Variants in RILPL1 observed in about 807,000 individuals in gnomAD.
RILPL1 encodes the protein Rab interacting lysosomal protein like 1.
A neutral mutation model predicts 50.3 loss-of-function variants in RILPL1; 33 were observed. The ratio of observed to expected loss-of-function variants is 0.66; its 90% CI spans 0.50 to 0.88. The LOEUF is 0.88. RILPL1 is among the 40% of genes least tolerant of loss of function. The pLI is 0.00. For missense variants in RILPL1, 418 were observed against 542.5 expected, an observed-to-expected ratio of 0.77 and a Z score of 2.28; for synonymous variants, 205 against 228.6, an observed-to-expected ratio of 0.90 and a Z score of 0.93.
At chr12:123,508,697 G>A (rs1883908348) in intron 2 of RILPL1, among the ~76,000 whole-genome samples, 1 of 151,986 alleles carries the variant, frequency 6.6e-6, no homozygotes, top group South Asian at 2.1e-4. Flanking sequence ...TTCACTCTAA[G>A]TTATACCTCA....
intron 2 of RILPL1, among the ~76,000 whole-genome samples, chr12:123,517,547 G>A (rs139565737): frequency 1.9e-3 from 289 of 150,452 alleles, no homozygotes; most frequent in South Asian, 0.012. Context: ...TCAGCCTCCC[G>A]AGTAGCTGGG....
intron 2 of RILPL1, 34 bp from the exon 3 acceptor site, chr12:123,499,570 G>A (rs200924400): frequency 9.3e-5 from 137 of 1,474,088 alleles, no homozygotes; most frequent in African/African-American, 5.5e-4. Flanking sequence ...AGGTGAGCCC[G>A]CCTTACTCCT....
intron 2 of RILPL1, among the ~76,000 whole-genome samples, chr12:123,520,913 A>G (rs1884979624): frequency 6.6e-6 from 1 of 152,218 alleles, no homozygotes; most frequent in Admixed American, 6.5e-5. Context: ...TCTCCCCACC[A>G]GCCTTAACCA....
At chr12:123,487,989 A>G (rs1882453024) in intron 4 of RILPL1, among the ~76,000 whole-genome samples, 1 of 152,148 alleles carries the variant, frequency 6.6e-6, no homozygotes, top group Non-Finnish European at 1.5e-5. Flanking sequence ...GTCAATCTAC[A>G]GGTAGCCCAC....
intron 6 of RILPL1, among the ~76,000 whole-genome samples, chr12:123,482,465 G>C (rs1055137606): frequency 6.6e-6 from 1 of 152,026 alleles, no homozygotes. Context: ...TGTAGAGACA[G>C]AGTCTCACTA....
intron 2 of RILPL1, among the ~76,000 whole-genome samples, chr12:123,509,963 G>C: frequency 6.6e-6 from 1 of 152,228 alleles, no homozygotes; most frequent in East Asian, 1.9e-4. Flanking sequence ...CCCTGGAGCC[G>C]AGGCCTGGCA....
chr12:123,472,564 C>G lies in RILPL1; in HGVS notation c.1186G>C (p.Gly396Arg), dbSNP rs1247143422. Residue 396 changes from glycine (G) to arginine (R), a missense_variant, in exon 7 of 7, where the codon GGA becomes CGA. Gly to Arg is a moderately radical substitution (Grantham distance 125). Transcript: ENST00000376874. ...CACAGATGCTGCAGGGCTTCCTGTC[C>G]TTGCTCTGTGTAACCGTCATCGCGG... The part of the protein sequence containing the change: ...THRDDGYTEQ[G>R]QEALQHL 1 of 1,553,036 alleles carries G rather than the reference C, an allele frequency of 6.4e-7. No homozygotes were observed. The highest frequency in any genetic ancestry group is 2.0e-5 in the Admixed American group (1 of 51,070).
At chr12:123,475,575 G>A (rs1487759149) in intron 6 of RILPL1, 5 of 830,104 alleles carry the variant, frequency 6.0e-6, no homozygotes, top group Non-Finnish European at 4.0e-6. Flanking sequence ...TAAGTGGCCA[G>A]GGGGAGACAG....
intron 4 of RILPL1, among the ~76,000 whole-genome samples, chr12:123,494,694 A>G (rs1220317680): frequency 2.6e-5 from 4 of 152,168 alleles, no homozygotes; most frequent in African/African-American, 9.6e-5. Flanking sequence ...TGTCTTTGGC[A>G]CCAGCTTCCT....
chr12:123,527,167 T>C (rs1337450201), intron 1 of RILPL1, among the ~76,000 whole-genome samples: 4 of 151,500 alleles, frequency 2.6e-5, no homozygotes, highest in African/African-American at 4.9e-5. Flanking sequence ...TCTGTCTCTA[T>C]AAAAAATACA....
chr12:123,497,216 T>C (rs1434000982), intron 4 of RILPL1, among the ~76,000 whole-genome samples: 1 of 152,180 alleles, frequency 6.6e-6, no homozygotes, highest in East Asian at 1.9e-4. Context: ...TTTCCACCTT[T>C]TGGCGACTGT....
intron 2 of RILPL1, among the ~76,000 whole-genome samples, chr12:123,521,556 T>A (rs1418089291): frequency 3.6e-5 from 2 of 56,248 alleles, no homozygotes; most frequent in South Asian, 1.0e-3. Context: ...TATGTGTGTA[T>A]ATATATTAAT....
intron 4 of RILPL1, among the ~76,000 whole-genome samples, chr12:123,492,510 T>C (rs930281532): frequency 2.0e-5 from 3 of 152,058 alleles, no homozygotes; most frequent in South Asian, 2.1e-4. Context: ...GAGGACACAA[T>C]AGCTGAAGTG....
intron 4 of RILPL1, among the ~76,000 whole-genome samples, chr12:123,490,922 G>A (rs1032017091): frequency 6.6e-6 from 1 of 151,786 alleles, no homozygotes; most frequent in Non-Finnish European, 1.5e-5. Flanking sequence ...GGCTAATTTT[G>A]TATTTTTAGT....
intron 2 of RILPL1, 58 bp downstream of exon 2, chr12:123,523,437 G>A: frequency 6.2e-7 from 1 of 1,604,510 alleles, no homozygotes; most frequent in Non-Finnish European, 8.5e-7. Flanking sequence ...AATCGCTGAT[G>A]TGGGCAATAA....
intron 1 of RILPL1, among the ~76,000 whole-genome samples, chr12:123,530,354 T>C (rs1233287186): frequency 1.3e-5 from 2 of 152,140 alleles, no homozygotes; most frequent in Non-Finnish European, 2.9e-5. Context: ...TTAGTAGAAA[T>C]GGGGTTTTGC....
At chr12:123,473,398 C>G (rs1881343222) in intron 6 of RILPL1, 1 of 152,054 alleles carries the variant, frequency 6.6e-6, no homozygotes. Context: ...GCCTGTAATC[C>G]CAGCTACTTA....
chr12:123,516,442 C>T lies in RILPL1; in HGVS notation c.460+7053G>A, dbSNP rs181626789. Among the ~76,000 whole-genome samples, 654 of 152,372 alleles carry T rather than the reference C, an allele frequency of 4.3e-3. 4 individuals are homozygous for T. The highest frequency in any genetic ancestry group is 6.6e-3 in the Non-Finnish European group (446 of 68,036). On this transcript the variant is annotated intron_variant, in intron 2 of 6. Coordinates refer to ENST00000376874, the MANE Select transcript of RILPL1 (RefSeq NM_178314.5). Reference sequence around the variant, plus strand: ...CGGACTCTGCTGAGACCACGGCCCTCTGCCGGACCCTGCTGAGATCACAGC... The same window carrying T: ...CGGACTCTGCTGAGACCACGGCCCTTTGCCGGACCCTGCTGAGATCACAGC...
chr12:123,512,024 G>A (rs1036789587), intron 2 of RILPL1, among the ~76,000 whole-genome samples: 5 of 139,786 alleles, frequency 3.6e-5, no homozygotes, highest in African/African-American at 5.4e-5. Context: ...GTCTGTGTGT[G>A]TAGTGTGTGA....
Sources: allele counts gnomAD v4.1 joint callset (sites outside exome capture counted in the v4.1 genomes callset), GRCh38; gene constraint gnomAD v4.1.1; transcripts MANE v1.5; gene names NCBI Gene and HGNC (gene_info 2026-07-23, HGNC 2026-07-21).